The following ADAM8 variants were observed in gnomAD, a reference collection of about 807,000 sequenced individuals.
ADAM8 encodes the protein disintegrin and metalloproteinase domain-containing protein 8.
Under a neutral mutation model 102.4 loss-of-function variants are expected in ADAM8, and 104 were observed. The ratio of observed to expected loss-of-function variants is 1.02; its 90% CI spans 0.87 to 1.20. The LOEUF (loss-of-function observed/expected upper bound fraction) is 1.20, where lower values mean the gene tolerates loss of function less well. ADAM8 is among the 50% of genes most tolerant of loss of function. The probability of loss-of-function intolerance (pLI) is 0.00; values close to 1 mark genes in which losing one functional copy is unlikely to be tolerated. For synonymous variants in ADAM8, 517 were observed against 485.2 expected (o/e 1.07, Z -0.86); for missense variants, 1,132 against 1,159.0 (o/e 0.98, Z 0.34).
At chr10:133,273,724 C>A in intron 5 of ADAM8, 38 bp downstream of exon 5, 2 of 1,541,778 alleles carry the variant, frequency 1.3e-6, no homozygotes, top group Non-Finnish European at 1.7e-6. Flanking sequence ...CCTTCCTCTC[C>A]ACCTGCGGGA....
intron 10 of ADAM8, 30 bp downstream of exon 10, chr10:133,272,163 C>T (rs1278854203): frequency 1.9e-6 from 3 of 1,547,844 alleles, no homozygotes; most frequent in South Asian, 1.2e-5. Context: ...CTGGCCTCGG[C>T]CTGGCAAACC....
intron 2 of ADAM8, among the ~76,000 whole-genome samples, chr10:133,275,156 T>C (rs1402178091): frequency 6.6e-6 from 1 of 151,920 alleles, no homozygotes; most frequent in Non-Finnish European, 1.5e-5. Context: ...GGAAGGTGTG[T>C]CAACTCTGCG....
At chr10:133,275,638 TC>T in intron 1 of ADAM8, 51 bp from the exon 2 acceptor site, 1 of 1,025,058 alleles carries the variant, frequency 9.8e-7, no homozygotes, top group Non-Finnish European at 1.4e-6. Context: ...CAGGTTTCCT[TC>T]CCAGAGGCCT....
chr10:133,263,478 G>A (rs946482994), intron 22 of ADAM8, among the ~76,000 whole-genome samples: 5 of 152,148 alleles, frequency 3.3e-5, no homozygotes, highest in Admixed American at 6.5e-5. Flanking sequence ...AGCCGGGGTC[G>A]GCATCTGCTG....
chr10:133,263,636 C>CCGTGCCACTGTCAGCCCCGTGGGGAGGT, intron 22 of ADAM8, 52 bp downstream of exon 22: 2 of 1,479,118 alleles, frequency 1.4e-6, no homozygotes, highest in East Asian at 2.7e-5. Flanking sequence ...CGTGGGGAGG[C>CCGTGCCACTGTCAGCCCCGTGGGGAGGT]CGTGCCGTCC....
chr10:133,269,943 T>C lies in ADAM8; in HGVS notation c.1817A>G (p.His606Arg), dbSNP rs1415271710. The C allele has an allele frequency of 1.2e-6, 2 of 1,612,722 alleles. No homozygotes were observed. Among genetic ancestry groups the C allele is most frequent in the Non-Finnish European group, 1.7e-6 (2 of 1,179,950 alleles). Residue 606 changes from histidine to arginine, a missense_variant, in exon 17 of 23, where the codon CAC becomes CGC. Coordinates refer to ENST00000445355, the MANE Select transcript of ADAM8 (RefSeq NM_001109.5). ...VCWKGRCQDL[H>R]VYRSSNCSAQ... ...AGAGCAGTTGCTGGATCTGTAAACGTGTAAGTCCTGGCAACGTCCTTTCCA... is the reference window on the plus strand; with the variant it reads ...AGAGCAGTTGCTGGATCTGTAAACGCGTAAGTCCTGGCAACGTCCTTTCCA...
chr10:133,269,209 A>G (rs1270577092), intron 18 of ADAM8: 1 of 983,798 alleles, frequency 1.0e-6, no homozygotes, highest in Non-Finnish European at 1.2e-6. Flanking sequence ...CTGGAGTCTC[A>G]GCTCACGGCC....
chr10:133,273,483 G>A, intron 5 of ADAM8, 40 bp from the exon 6 acceptor site: 2 of 1,508,710 alleles, frequency 1.3e-6, no homozygotes, highest in Non-Finnish European at 1.8e-6. Flanking sequence ...GGGCTTCAGA[G>A]TGGCCTGGTC....
chr10:133,273,707 G>T (rs1049344653), intron 5 of ADAM8, 55 bp downstream of exon 5: 1 of 1,526,488 alleles, frequency 6.6e-7, no homozygotes, highest in Non-Finnish European at 8.8e-7. Flanking sequence ...CCCACCACAG[G>T]CTTAGGCCTT....
At chr10:133,270,222 G>A (rs1846473424) in intron 16 of ADAM8, 138 bp downstream of exon 16, 1 of 1,240,458 alleles carries the variant, frequency 8.1e-7, no homozygotes, top group Non-Finnish European at 1.1e-6. Context: ...AAACCTTTCA[G>A]TCTCTACTAG....
chr10:133,270,977 C>T lies in ADAM8; in HGVS notation c.1468G>A (p.Ala490Thr), dbSNP rs144989788. 1,386 of 1,612,840 alleles carry T rather than the reference C, an allele frequency of 8.6e-4. 7 individuals carry two copies. The African/African-American group carries it at 0.016, about 18-fold the overall frequency. The change falls in exon 14 of 23, where the codon GCC becomes ACC. Residue 490 changes from alanine (A) to threonine (T), a missense_variant. Ala to Thr is a moderately conservative substitution (Grantham distance 58). Transcript: ENST00000445355. ...CAGGGCGTGCCGTTCTCCTGGAAGG[C>T]GTCTTCCGGGCACTCAGGGTGCCGG... ...DGRHPECPED[A>T]FQENGTPCSG... is the part of the protein sequence containing the mutation.
chr10:133,274,580 G>A (rs1349422488), intron 2 of ADAM8, among the ~76,000 whole-genome samples: 3 of 151,964 alleles, frequency 2.0e-5, no homozygotes, highest in Non-Finnish European at 2.9e-5. Flanking sequence ...GGGTAGACAG[G>A]AAGGACACGG....
chr10:133,273,575 C>T lies in ADAM8; in HGVS notation c.384-132G>A, dbSNP rs1846631017. The T allele has an allele frequency of 3.1e-6, 4 of 1,288,056 alleles. No homozygotes were observed. The Admixed American group carries it at 1.1e-4, about 34-fold the overall frequency. The allele number at this position is 1,288,056 out of a possible 1,614,324, so 79.8% of individuals were successfully genotyped here. ...ACCAGCAGCCCCCCGCAGGTGACTTCAGGCCCCAGGGTACAGGAGGGTGAG... is the reference window on the plus strand; with the variant it reads ...ACCAGCAGCCCCCCGCAGGTGACTTTAGGCCCCAGGGTACAGGAGGGTGAG... On this transcript the variant is annotated intron_variant, in intron 5 of 22. Transcript: ENST00000445355.
rs1589805804 is a variant in ADAM8, at chr10:133,270,097, G to T, written c.1786-123C>A. 6 of 1,243,552 alleles carry T rather than the reference G, an allele frequency of 4.8e-6. No individual in the cohort carries two copies. The East Asian group carries it at 1.5e-4, about 31-fold the overall frequency. 77.0% of individuals were successfully genotyped at this position (1,243,552 alleles called of 1,614,324 possible). ...CCACGTCCAAGGTGGCTGTGCTTCA[G>T]CCCATCTGCCGGCTGCCTACCCCCA... is the stretch of plus-strand genomic sequence containing the variant. On this transcript the variant is annotated intron_variant, in intron 16 of 22. Coordinates refer to ENST00000445355, the MANE Select transcript of ADAM8 (RefSeq NM_001109.5).
intron 1 of ADAM8, among the ~76,000 whole-genome samples, chr10:133,276,258 G>A (rs764439061): frequency 3.3e-5 from 5 of 152,136 alleles, no homozygotes; most frequent in African/African-American, 1.2e-4. Context: ...CCTCCAGCCT[G>A]AAGCTCCTCA....
At chr10:133,265,752 C>T (rs776333562) in intron 21 of ADAM8, among the ~76,000 whole-genome samples, 1 of 151,646 alleles carries the variant, frequency 6.6e-6, no homozygotes, top group Non-Finnish European at 1.5e-5. Context: ...GAGCTGAGAT[C>T]GCGCCACTGC....
rs377742136 is a variant in ADAM8, at chr10:133,271,299, C to T, written c.1285-10G>A. The T allele has an allele frequency of 4.9e-5, 79 of 1,607,436 alleles. No homozygotes were observed. The highest frequency in any genetic ancestry group is 2.2e-4 in the Middle Eastern group (1 of 4,582). On this transcript the variant is annotated splice_polypyrimidine_tract_variant and intron_variant, in intron 12 of 22. Transcript: ENST00000445355. Reference sequence around the variant, plus strand: ...AGCGGTTCCGGCAGTCCTGGGGCGACGGCAAAGGCCTTGGCAGGCTGCACT... The same window carrying T: ...AGCGGTTCCGGCAGTCCTGGGGCGATGGCAAAGGCCTTGGCAGGCTGCACT...
rs776714047 is a variant in ADAM8 at position 133,268,888 on chromosome 10, G to A, written c.1949-26C>T. ...CTGTGGGACACACGGCCCCACATCAGGCAGGCAGGCCGCGACCTCAGGCAG... is the reference window on the plus strand; with the variant it reads ...CTGTGGGACACACGGCCCCACATCAAGCAGGCAGGCCGCGACCTCAGGCAG... On this transcript the variant is annotated intron_variant, in intron 18 of 22. Transcript: ENST00000445355. 2.5e-6 allele frequency: 4 copies of A among 1,597,428 alleles called. No individual in the cohort carries two copies. In the African/African-American group the frequency reaches 4.0e-5, roughly 16 times the overall value.
chr10:133,267,003 T>A (rs949976451), intron 21 of ADAM8, among the ~76,000 whole-genome samples: 3 of 151,184 alleles, frequency 2.0e-5, no homozygotes, highest in African/African-American at 7.3e-5. Context: ...GTCCCTGCCC[T>A]GAGCCCACCC....
Sources: gnomAD v4.1 joint callset for allele counts (sites outside exome capture counted in the v4.1 genomes callset) on GRCh38, gnomAD v4.1.1 for gene constraint, MANE v1.5 for transcripts, NCBI Gene and HGNC (gene_info 2026-07-23, HGNC 2026-07-21) for gene names.